MLF2: variants seen among roughly 807,000 people sequenced by gnomAD.
The protein encoded by MLF2 is myeloid leukemia factor 2, also known as myelodysplasia-myeloid leukemia factor 2.
In MLF2, 12 loss-of-function variants were observed where a neutral mutation model predicts 31.4. That is an observed-to-expected ratio of 0.38 (90% CI 0.24 to 0.62). The LOEUF (loss-of-function observed/expected upper bound fraction) is 0.62. Among genes scored for constraint, MLF2 ranks in the 20% least tolerant of loss-of-function variants. The pLI is 0.58. For missense variants in MLF2, 272 were observed against 359.7 expected (o/e 0.76, Z 1.97); for synonymous variants, 109 against 118.8 (o/e 0.92, Z 0.54).
At position 6,750,427 on chromosome 12, in the gene MLF2, A is replaced by C; in HGVS notation, c.271-122T>G. ...CTCACAAAATGCAAGAACTGAAAAA[A>C]CATCAGGCCTCATCATTACCCTCCC... On this transcript the variant is annotated intron_variant, in intron 5 of 8. Transcript: ENST00000203630. This position sits in a 1 kb window ranked among gnomAD's most constrained non-coding sequence, Gnocchi z 5.3. The C allele has an allele frequency of 1.5e-6, 2 of 1,343,588 alleles. No individual in the cohort carries two copies. Among genetic ancestry groups the C allele is most frequent in the South Asian group, 2.8e-5 (2 of 71,378 alleles). The allele number at this position is 1,343,588 out of a possible 1,614,324, so 83.2% of individuals were successfully genotyped here. A position where few individuals can be genotyped will look rare whatever the true frequency, so the allele number is the denominator to read the frequency against.
Position 6,749,983 on chromosome 12 carries a change from GA to G in MLF2, c.423del (p.Arg142GlyfsTer143). 6.2e-7 allele frequency: 1 copy of G among 1,614,142 alleles called. No individual in the cohort carries two copies. Among genetic ancestry groups the G allele is most frequent in the Non-Finnish European group, 8.5e-7 (1 of 1,180,040 alleles). ...PGGIRETRRT[V>X]RDSDSGLEQM... Reference sequence around the variant, plus strand: ...TGCTCCAGTCCACTGTCTGAATCCCGAACAGTCCTCCGTGTCTCCCGGATCT... The same window carrying G: ...TGCTCCAGTCCACTGTCTGAATCCCGACAGTCCTCCGTGTCTCCCGGATCT... On this transcript the variant is annotated frameshift_variant, in exon 7 of 9. Transcript: ENST00000203630. LOFTEE classifies it high-confidence loss of function. The surrounding 1 kb of genome is among the most constrained non-coding windows in gnomAD (Gnocchi z 5.3).
In MLF2 at chr12:6,750,833, G is replaced by C. The variant is rs1941603461; in HGVS notation, c.217-67C>G. On this transcript the variant is annotated intron_variant, in intron 4 of 8. Coordinates refer to ENST00000203630, the MANE Select transcript of MLF2 (RefSeq NM_001382226.1). This position sits in a 1 kb window ranked among gnomAD's most constrained non-coding sequence, Gnocchi z 5.3. The stretch of plus-strand genomic sequence containing the variant: ...CAGTGTTCAGAGTTGATCCTGTTTA[G>C]GAACCCACAACCCACATGGCTGCAC... 1.4e-6 allele frequency: 2 copies of C among 1,428,592 alleles called. No homozygotes were observed. The highest frequency in any genetic ancestry group is 3.4e-5 in the Admixed American group (2 of 58,180). The allele number at this position is 1,428,592 out of a possible 1,614,324, so 88.5% of individuals were successfully genotyped here.
rs1319868001 is a variant in MLF2 at position 6,748,749 on chromosome 12, C to T, written c.*25+21G>A. 1 of 1,467,040 alleles carries T rather than the reference C, an allele frequency of 6.8e-7. No individual in the cohort carries two copies. The highest frequency in any genetic ancestry group is 1.5e-5 in the African/African-American group (1 of 67,854). 90.9% of individuals were successfully genotyped at this position (1,467,040 alleles called of 1,614,324 possible). A position where few individuals can be genotyped will look rare whatever the true frequency, so the allele number is the denominator to read the frequency against. Reference sequence around the variant, plus strand: ...GGACCGTCCGCAGGTGCACCCCACCCTCCTTACTCCTGATACTTACAAGAG... The same window carrying T: ...GGACCGTCCGCAGGTGCACCCCACCTTCCTTACTCCTGATACTTACAAGAG... On this transcript the variant is annotated intron_variant, in intron 8 of 8. Coordinates refer to ENST00000203630, the MANE Select transcript of MLF2 (RefSeq NM_001382226.1). The surrounding 1 kb of genome is among the most constrained non-coding windows in gnomAD (Gnocchi z 4.6).
Position 6,748,969 on chromosome 12 carries a change from C to A in MLF2, c.573G>T (p.Ala191=), listed in dbSNP as rs541931098. 2 of 1,597,932 alleles carry A rather than the reference C, an allele frequency of 1.3e-6. No homozygotes were observed. The highest frequency in any genetic ancestry group is 1.4e-5 in the African/African-American group (1 of 73,884). The change falls in exon 8 of 9, where the codon GCG becomes GCT. Residue 191 remains alanine (A), a synonymous_variant. Coordinates refer to ENST00000203630, the MANE Select transcript of MLF2 (RefSeq NM_001382226.1). The surrounding 1 kb of genome is among the most constrained non-coding windows in gnomAD (Gnocchi z 4.6). The stretch of plus-strand genomic sequence containing the variant: ...TCTCCCGCCGCCACTCGTCATCAAA[C>A]GCTGCGGCCTCACCTGGAAAGGACA... ...YINLDESEAA[A]FDDEWRRETS... is the part of the protein sequence containing the mutation.
In MLF2 at chr12:6,749,368, G is replaced by A. The variant is rs1217933539; in HGVS notation, c.560-386C>T. On this transcript the variant is annotated intron_variant, in intron 7 of 8. Transcript: ENST00000203630. This position sits in a 1 kb window ranked among gnomAD's most constrained non-coding sequence, Gnocchi z 5.3. ...AAAGTAGGCCCCTCACAAAGACACC[G>A]CCAGCACCTGACTCCGCCCGAGCGG... Among the ~76,000 whole-genome samples, 3 of 152,240 alleles carry A rather than the reference G, an allele frequency of 2.0e-5. No homozygotes were observed. The highest frequency in any genetic ancestry group is 1.3e-4 in the Admixed American group (2 of 15,286).
In MLF2 at chr12:6,750,004, G is replaced by A. The variant is rs779857326; in HGVS notation, c.403C>T (p.Arg135Trp). Residue 135 changes from arginine to tryptophan, a missense_variant, in exon 7 of 9, where the codon CGG becomes TGG. Transcript: ENST00000203630. The surrounding 1 kb of genome is among the most constrained non-coding windows in gnomAD (Gnocchi z 5.3). ...TCCCGAACAGTCCTCCGTGTCTCCCGGATCTGGGATGAGGCAGAACGTGGC... is the reference window on the plus strand; with the variant it reads ...TCCCGAACAGTCCTCCGTGTCTCCCAGATCTGGGATGAGGCAGAACGTGGC... ...SEMRSAPGGI[R>W]ETRRTVRDSD... is the part of the protein sequence containing the mutation. 8 of 1,614,012 alleles carry A rather than the reference G, an allele frequency of 5.0e-6. No individual in the cohort carries two copies. The highest frequency in any genetic ancestry group is 1.1e-5 in the South Asian group (1 of 91,086).
Position 6,749,098 on chromosome 12 carries a change from G to T in MLF2, c.560-116C>A. ...GGCGAAGGCTGAGTGTGCGTGCAGG[G>T]ATGGGTGGGGTGGCAATTCCCTTAG... On this transcript the variant is annotated intron_variant, in intron 7 of 8. Coordinates refer to ENST00000203630, the MANE Select transcript of MLF2 (RefSeq NM_001382226.1). This position sits in a 1 kb window ranked among gnomAD's most constrained non-coding sequence, Gnocchi z 5.3. 8.8e-7 allele frequency: 1 copy of T among 1,138,658 alleles called. No individual in the cohort carries two copies. The highest frequency in any genetic ancestry group is 1.2e-6 in the Non-Finnish European group (1 of 829,988). 70.5% of individuals were successfully genotyped at this position (1,138,658 alleles called of 1,614,324 possible).
Position 6,748,721 on chromosome 12 carries a change from C to T in MLF2, c.*25+49G>A, listed in dbSNP as rs1941562450. 38 of 1,390,490 alleles carry T rather than the reference C, an allele frequency of 2.7e-5. 1 individual carries two copies. In the South Asian group the frequency reaches 4.5e-4, roughly 17 times the overall value. 86.1% of individuals were successfully genotyped at this position (1,390,490 alleles called of 1,614,324 possible). A position where few individuals can be genotyped will look rare whatever the true frequency, so the allele number is the denominator to read the frequency against. On this transcript the variant is annotated intron_variant, in intron 8 of 8. Coordinates refer to ENST00000203630, the MANE Select transcript of MLF2 (RefSeq NM_001382226.1). The surrounding 1 kb of genome is among the most constrained non-coding windows in gnomAD (Gnocchi z 4.6). ...GCCTGAACTGAGCCTGCCTTGCAGC[C>T]GAGGACCGTCCGCAGGTGCACCCCA...
chr12:6,749,938 T>C lies in MLF2; in HGVS notation c.469A>G (p.Ile157Val), dbSNP rs1266526631. ...GLEQMSIGHH[I>V]RDRAHILQRS... ...TGGAGGATGTGAGCCCTGTCCCGGATGTGATGCCCAATGGACATCTGCTCC... is the reference window on the plus strand; with the variant it reads ...TGGAGGATGTGAGCCCTGTCCCGGACGTGATGCCCAATGGACATCTGCTCC... Residue 157 changes from isoleucine (I) to valine (V), a missense_variant, in exon 7 of 9, where the codon ATC (isoleucine) becomes GTC (valine). Physicochemically the swap from Ile to Val is conservative, Grantham distance 29. Coordinates refer to ENST00000203630, the MANE Select transcript of MLF2 (RefSeq NM_001382226.1). The surrounding 1 kb of genome is among the most constrained non-coding windows in gnomAD (Gnocchi z 5.3). 1 of 1,614,206 alleles carries C rather than the reference T, an allele frequency of 6.2e-7. No homozygotes were observed. The highest frequency in any genetic ancestry group is 8.5e-7 in the Non-Finnish European group (1 of 1,180,038).
rs1298528537 is a variant in MLF2, at chr12:6,748,779, T to C, written c.*16A>G. Reference sequence around the variant, plus strand: ...TACTCCTGATACTTACAAGAGAGGCTGAGGGCCCGGGGCCCTCACCAGTCA... The same window carrying C: ...TACTCCTGATACTTACAAGAGAGGCCGAGGGCCCGGGGCCCTCACCAGTCA... On this transcript the variant is annotated 3_prime_UTR_variant, in exon 8 of 9. Coordinates refer to ENST00000203630, the MANE Select transcript of MLF2 (RefSeq NM_001382226.1). This position sits in a 1 kb window ranked among gnomAD's most constrained non-coding sequence, Gnocchi z 4.6. 11 of 1,513,602 alleles carry C rather than the reference T, an allele frequency of 7.3e-6. No individual in the cohort carries two copies. The highest frequency in any genetic ancestry group is 9.7e-6 in the Non-Finnish European group (11 of 1,138,698). The allele number at this position is 1,513,602 out of a possible 1,614,324, so 93.8% of individuals were successfully genotyped here. A position where few individuals can be genotyped will look rare whatever the true frequency, so the allele number is the denominator to read the frequency against.
In MLF2 at chr12:6,748,970, G is replaced by A. The variant is rs1477880768; in HGVS notation, c.572C>T (p.Ala191Val). ...CTCCCGCCGCCACTCGTCATCAAAC[G>A]CTGCGGCCTCACCTGGAAAGGACAG... ...YINLDESEAA[A>V]FDDEWRRETS... is the part of the protein sequence containing the mutation. Residue 191 changes from alanine (A) to valine (V), a missense_variant, in exon 8 of 9, where the codon GCG becomes GTG. Physicochemically the swap from Ala to Val is moderately conservative, Grantham distance 64. Transcript: ENST00000203630. This position sits in a 1 kb window ranked among gnomAD's most constrained non-coding sequence, Gnocchi z 4.6. 1.3e-5 allele frequency: 21 copies of A among 1,597,002 alleles called. No individual in the cohort carries two copies. Among genetic ancestry groups the A allele is most frequent in the Non-Finnish European group, 1.7e-5 (20 of 1,172,868 alleles).
In MLF2 at chr12:6,749,552, TA is replaced by T. The variant is rs1565474529; in HGVS notation, c.559+295del. Among the ~76,000 whole-genome samples the T allele has an allele frequency of 6.6e-6, 1 of 152,090 alleles. No homozygotes were observed. Among genetic ancestry groups the T allele is most frequent in the Non-Finnish European group, 1.5e-5 (1 of 67,992 alleles). ...CAACATGGTGAAACCCTGTCTCTAC[TA>T]AAAATACAGAAATTAGCTGGGCGTG... On this transcript the variant is annotated intron_variant, in intron 7 of 8. Transcript: ENST00000203630. This position sits in a 1 kb window ranked among gnomAD's most constrained non-coding sequence, Gnocchi z 5.3.
At position 6,748,108 on chromosome 12, in the gene MLF2, G is replaced by A. The variant is rs1224253517; in HGVS notation, c.*465C>T. On this transcript the variant is annotated 3_prime_UTR_variant, in exon 9 of 9. Transcript: ENST00000203630. The surrounding 1 kb of genome is among the most constrained non-coding windows in gnomAD (Gnocchi z 4.6). ...ATTCTTTTGATGTGTGTGGGCAGGA[G>A]GAGGGAGAGAGTTAGGAACCAGTCT... 1 of 152,280 alleles carries A rather than the reference G, an allele frequency of 6.6e-6. No individual in the cohort carries two copies. The highest frequency in any genetic ancestry group is 1.5e-5 in the Non-Finnish European group (1 of 68,078). 9.4% of individuals were successfully genotyped at this position (152,280 alleles called of 1,614,324 possible). A position where few individuals can be genotyped will look rare whatever the true frequency, so the allele number is the denominator to read the frequency against.
Position 6,749,055 on chromosome 12 carries a change from A to G in MLF2, c.560-73T>C. ...GGAGGCCGATGTGCGAGCGAGCCAC[A>G]GCTTTTCGGGCCAAAGCGGCGAAGG... On this transcript the variant is annotated intron_variant, in intron 7 of 8. Coordinates refer to ENST00000203630, the MANE Select transcript of MLF2 (RefSeq NM_001382226.1). The surrounding 1 kb of genome is among the most constrained non-coding windows in gnomAD (Gnocchi z 5.3). 6.9e-7 allele frequency: 1 copy of G among 1,439,588 alleles called. No individual in the cohort carries two copies. The allele number at this position is 1,439,588 out of a possible 1,614,324, so 89.2% of individuals were successfully genotyped here.
chr12:6,752,976 T>G lies in MLF2; in HGVS notation c.-66A>C. On this transcript the variant is annotated 5_prime_UTR_variant, in exon 1 of 9. Coordinates refer to ENST00000203630, the MANE Select transcript of MLF2 (RefSeq NM_001382226.1). This position sits in a 1 kb window ranked among gnomAD's most constrained non-coding sequence, Gnocchi z 4.6. ...CGGGCTCAGCGGCCCATCCGGCCGG[T>G]TTCGCTTCCCGGTACGCTGCAGGGT... 3 of 275,960 alleles carry G rather than the reference T, an allele frequency of 1.1e-5. No individual in the cohort carries two copies. The highest frequency in any genetic ancestry group is 5.3e-5 in the Admixed American group (1 of 18,894). The allele number at this position is 275,960 out of a possible 1,614,324, so 17.1% of individuals were successfully genotyped here.
At chr12:6,751,213 C>T (rs942058839) in intron 4 of MLF2, 1 of 240,396 alleles carries the variant, frequency 4.2e-6, no homozygotes, top group Non-Finnish European at 8.1e-6. Flanking sequence ...CAGTTAATAA[C>T]ATCTTTTCTT....
In MLF2 at chr12:6,753,091, C is replaced by T; in HGVS notation, c.-181G>A. ...TCCTCCCACAGCTGCCACCTCCGTA[C>T]GGCCCCCTCGGCCAACGGAGCCCGA... is the stretch of plus-strand genomic sequence containing the variant. On this transcript the variant is annotated 5_prime_UTR_variant, in exon 1 of 9. Transcript: ENST00000203630. 5.1e-6 allele frequency: 2 copies of T among 389,948 alleles called. No individual in the cohort carries two copies. Among genetic ancestry groups the T allele is most frequent in the East Asian group, 3.6e-5 (1 of 27,578 alleles). 24.2% of individuals were successfully genotyped at this position (389,948 alleles called of 1,614,324 possible). A position where few individuals can be genotyped will look rare whatever the true frequency, so the allele number is the denominator to read the frequency against.
chr12:6,750,132 C>T lies in MLF2; in HGVS notation c.399+45G>A, dbSNP rs201110078. Reference sequence around the variant, plus strand: ...AAGCAGCCAGGGTTTCTGGCGGTGCCGCTCAATCCTACCTTCTCTGGGACA... The same window carrying T: ...AAGCAGCCAGGGTTTCTGGCGGTGCTGCTCAATCCTACCTTCTCTGGGACA... On this transcript the variant is annotated intron_variant, in intron 6 of 8. Transcript: ENST00000203630. This position sits in a 1 kb window ranked among gnomAD's most constrained non-coding sequence, Gnocchi z 5.3. The T allele has an allele frequency of 3.6e-3, 5,741 of 1,613,678 alleles. 16 individuals are homozygous for T. The highest frequency in any genetic ancestry group is 4.3e-3 in the Non-Finnish European group (5,067 of 1,179,740).
Position 6,752,949 on chromosome 12 carries a change from T to G in MLF2, c.-39A>C. The G allele has an allele frequency of 8.8e-6, 2 of 227,528 alleles. No homozygotes were observed. Among genetic ancestry groups the G allele is most frequent in the Non-Finnish European group, 8.5e-6 (1 of 117,314 alleles). The allele number at this position is 227,528 out of a possible 1,614,324, so 14.1% of individuals were successfully genotyped here. A position where few individuals can be genotyped will look rare whatever the true frequency, so the allele number is the denominator to read the frequency against. ...CTGCCCGAGCCTCACCAGTGCCCGA[T>G]TCGGGCTCAGCGGCCCATCCGGCCG... On this transcript the variant is annotated 5_prime_UTR_variant, in exon 1 of 9. Transcript: ENST00000203630. This position sits in a 1 kb window ranked among gnomAD's most constrained non-coding sequence, Gnocchi z 4.6.
Sources: allele counts gnomAD v4.1 joint callset (sites outside exome capture counted in the v4.1 genomes callset), GRCh38; gene constraint gnomAD v4.1.1; non-coding constraint Gnocchi (gnomAD v3.1); transcripts MANE v1.5; gene names NCBI Gene and HGNC (gene_info 2026-07-23, HGNC 2026-07-21).